Variants in YEATS2 observed in about 807,000 individuals in gnomAD.
YEATS2 encodes YEATS domain-containing protein 2.
A neutral mutation model predicts 163.2 loss-of-function variants in YEATS2; 77 were observed. The observed-to-expected ratio is 0.47, with a 90% confidence interval of 0.39 to 0.57. The LOEUF is 0.57. YEATS2 is among the 20% of genes least tolerant of loss of function. The probability of loss-of-function intolerance (pLI) is 0.00; values close to 1 mark genes in which losing one functional copy is unlikely to be tolerated. For synonymous variants in YEATS2, 631 were observed against 645.1 expected (o/e 0.98, Z 0.33); for missense variants, 1,549 against 1,729.8 (o/e 0.90, Z 1.85).
chr3:183,718,401 T>C (rs976132280), intron 3 of YEATS2, 99 bp from the exon 4 acceptor site: 3 of 877,322 alleles, frequency 3.4e-6, no homozygotes, highest in Non-Finnish European at 5.0e-6. Flanking sequence ...AGTTGAGCTT[T>C]TTTTTTTCAC....
At chr3:183,727,296 A>G (rs1350356971) in intron 6 of YEATS2, among the ~76,000 whole-genome samples, 2 of 152,248 alleles carry the variant, frequency 1.3e-5, no homozygotes, top group African/African-American at 2.4e-5. Flanking sequence ...CTGTACTATT[A>G]AAGAGATAAG....
intron 29 of YEATS2, among the ~76,000 whole-genome samples, chr3:183,808,430 C>T (rs1323959981): frequency 6.6e-6 from 1 of 152,196 alleles, no homozygotes; most frequent in Non-Finnish European, 1.5e-5. Flanking sequence ...ACAGCCCCAA[C>T]TGTCCTGACC....
At chr3:183,770,532 A>C (rs1194063456) in intron 15 of YEATS2, among the ~76,000 whole-genome samples, 2 of 152,180 alleles carry the variant, frequency 1.3e-5, no homozygotes, top group Admixed American at 6.5e-5. Flanking sequence ...CAATACCCCC[A>C]TATCCTCCAC....
chr3:183,792,395 G>A (rs1724742018), intron 21 of YEATS2, among the ~76,000 whole-genome samples: 1 of 152,256 alleles, frequency 6.6e-6, no homozygotes, highest in East Asian at 1.9e-4. Context: ...AACATGCGGT[G>A]TGTGGTTTTC....
Position 183,754,271 on chromosome 3 carries a change from A to G in YEATS2, c.1296A>G (p.Ser432=), listed in dbSNP as rs1288954130. The G allele has an allele frequency of 4.3e-6, 7 of 1,614,066 alleles. No individual in the cohort carries two copies. In the Admixed American group the frequency reaches 5.0e-5, roughly 12 times the overall value. The stretch of plus-strand genomic sequence containing the variant: ...ATTCAGCTTTCCAGCCAATAGCATC[A>G]AGCTGCAAAATTGTTCCACAAAGTC... The part of the protein sequence containing the change: ...HGNSAFQPIA[S]SCKIVPQSQV... The change falls in exon 11 of 31, where the codon TCA becomes TCG. Residue 432 remains serine, a synonymous_variant. Coordinates refer to ENST00000305135, the MANE Select transcript of YEATS2 (RefSeq NM_018023.5).
chr3:183,707,164 TGGG>T (rs1333439194), intron 1 of YEATS2, among the ~76,000 whole-genome samples: 2 of 152,176 alleles, frequency 1.3e-5, no homozygotes, highest in African/African-American at 4.8e-5. Flanking sequence ...CCAGGCATCT[TGGG>T]TAAGGAATAC....
intron 20 of YEATS2, among the ~76,000 whole-genome samples, chr3:183,789,525 ATTTTTTTTTTTTT>A (rs143473253): frequency 4.5e-5 from 3 of 66,314 alleles, no homozygotes; most frequent in Admixed American, 2.5e-4. Context: ...ATTCGAGTTA[ATTTTTTTTTTTTT>A]TTTTTTTTTT....
chr3:183,718,118 C>T (rs1716100121), intron 3 of YEATS2, among the ~76,000 whole-genome samples: 1 of 151,876 alleles, frequency 6.6e-6, no homozygotes. Context: ...TCCCATTTAC[C>T]CGGATGTGAT....
intron 27 of YEATS2, among the ~76,000 whole-genome samples, chr3:183,804,988 C>CA (rs78765003): frequency 0.05 from 7,300 of 144,986 alleles, 308 homozygotes; most frequent in East Asian, 0.25. Context: ...GACTCCGTCT[C>CA]AAAAAAAAAA....
At position 183,718,722 on chromosome 3, in the gene YEATS2, G is replaced by A. The variant is rs866634650; in HGVS notation, c.291+130G>A. The A allele has an allele frequency of 1.0e-4, 78 of 766,310 alleles. 1 individual carries two copies. In the Middle Eastern group the frequency reaches 4.8e-3, roughly 47 times the overall value. The allele number at this position is 766,310 out of a possible 1,614,324, so 47.5% of individuals were successfully genotyped here. ...TTGTTTTTTGGTTTTTTTTTGAGAC[G>A]GAGTCTCGCTGTGTCACCCAGGCTG... On this transcript the variant is annotated intron_variant, in intron 4 of 30. Transcript: ENST00000305135.
chr3:183,812,571 A>G lies in YEATS2; in HGVS notation c.*1988A>G, dbSNP rs1375687481. ...TGTTAATGTTTCAAACGTGTATCAT[A>G]ATGTGTATAATTGTGTAACAAAATT... On this transcript the variant is annotated 3_prime_UTR_variant, in exon 31 of 31. Coordinates refer to ENST00000305135, the MANE Select transcript of YEATS2 (RefSeq NM_018023.5). 6.6e-6 allele frequency: 1 copy of G among 152,640 alleles called. No homozygotes were observed. The highest frequency in any genetic ancestry group is 1.5e-5 in the Non-Finnish European group (1 of 68,050). 9.5% of individuals were successfully genotyped at this position (152,640 alleles called of 1,614,324 possible). A position where few individuals can be genotyped will look rare whatever the true frequency, so the allele number is the denominator to read the frequency against.
At chr3:183,741,424 C>G (rs914034977) in intron 8 of YEATS2, among the ~76,000 whole-genome samples, 1 of 152,216 alleles carries the variant, frequency 6.6e-6, no homozygotes, top group Non-Finnish European at 1.5e-5. Flanking sequence ...AGACCAACTG[C>G]TCAGAGAAAA....
chr3:183,730,056 T>G (rs112240557), intron 7 of YEATS2, among the ~76,000 whole-genome samples: 2,198 of 15,810 alleles, frequency 0.14, 50 homozygotes, highest in East Asian at 0.24. Flanking sequence ...TTGTTTGTTT[T>G]TTTTTTTTTT....
intron 26 of YEATS2, 145 bp from the exon 27 acceptor site, chr3:183,803,841 TG>T (rs1360281589): frequency 5.6e-5 from 43 of 771,142 alleles, no homozygotes; most frequent in Non-Finnish European, 8.7e-5. Flanking sequence ...TTTTTTTTAA[TG>T]GGGAGTAACA....
chr3:183,755,225 C>G (rs1039536214), intron 11 of YEATS2, among the ~76,000 whole-genome samples: 3 of 152,040 alleles, frequency 2.0e-5, no homozygotes, highest in African/African-American at 7.2e-5. Flanking sequence ...TCAAGTGATT[C>G]TCCTGGCTCA....
At chr3:183,802,051 TTCCTC>T (rs1309651450) in intron 25 of YEATS2, 1 of 153,790 alleles carries the variant, frequency 6.5e-6, no homozygotes, top group Non-Finnish European at 1.4e-5. Flanking sequence ...CCATTCATCT[TTCCTC>T]TGAAACTCAG....
rs759787602 is a variant in YEATS2 at position 183,728,678 on chromosome 3, C to A, written c.651-12C>A. ...CGAAAAGAATTCAGGTTTCTTTTTT[C>A]TTCTTCTCTAGGTATATACCTCCGG... On this transcript the variant is annotated splice_polypyrimidine_tract_variant and intron_variant, in intron 6 of 30. Coordinates refer to ENST00000305135, the MANE Select transcript of YEATS2 (RefSeq NM_018023.5). 1.3e-6 allele frequency: 2 copies of A among 1,533,024 alleles called. No homozygotes were observed. The highest frequency in any genetic ancestry group is 1.3e-5 in the South Asian group (1 of 76,710). 95.0% of individuals were successfully genotyped at this position (1,533,024 alleles called of 1,614,324 possible).
intron 13 of YEATS2, among the ~76,000 whole-genome samples, chr3:183,759,934 A>G (rs1038851153): frequency 2.0e-5 from 3 of 152,318 alleles, no homozygotes; most frequent in Admixed American, 2.0e-4. Context: ...GCTTACCTCC[A>G]CAGAGTCTCT....
intron 30 of YEATS2, chr3:183,809,559 A>G (rs955512219): frequency 1.3e-5 from 2 of 157,126 alleles, no homozygotes; most frequent in Non-Finnish European, 2.8e-5. Context: ...TCTTTTTAAA[A>G]ATCAGGAAAC....
Sources: allele counts gnomAD v4.1 joint callset (sites outside exome capture counted in the v4.1 genomes callset), GRCh38; gene constraint gnomAD v4.1.1; transcripts MANE v1.5; gene names NCBI Gene and HGNC (gene_info 2026-07-23, HGNC 2026-07-21).